RUNX2: variants seen among roughly 807,000 people sequenced by gnomAD.
RUNX2 encodes the protein RUNX family transcription factor 2.
In RUNX2, 10 loss-of-function variants were observed where a neutral mutation model predicts 51.7. That is an observed-to-expected ratio of 0.19 (90% CI 0.12 to 0.33). The LOEUF (loss-of-function observed/expected upper bound fraction) is 0.33, where lower values mean the gene tolerates loss of function less well. Ranked by LOEUF, RUNX2 falls within the 10% of genes least tolerant of loss-of-function variation. RUNX2 has a pLI of 1.00. For synonymous variants in RUNX2, 276 were observed against 273.6 expected, an observed-to-expected ratio of 1.01 and a Z score of -0.09; for missense variants, 562 against 691.3, an observed-to-expected ratio of 0.81 and a Z score of 2.10.
In RUNX2 at chr6:45,478,314, G is replaced by T. The variant is rs115525602; in HGVS notation, c.686-13627G>T. 6.6e-3 allele frequency among the ~76,000 whole-genome samples: 999 copies of T among 152,330 alleles called. 9 individuals carry two copies. The highest frequency in any genetic ancestry group is 0.022 in the African/African-American group (905 of 41,566). ...TAGGATATTTTAATTGATAAGTGAA[G>T]ATTACATTTGCATAGTGGTTTTACC... On this transcript the variant is annotated intron_variant, in intron 5 of 8. Transcript: ENST00000647337.
At chr6:45,387,573 A>G (rs1797378004) in intron 2 of RUNX2, among the ~76,000 whole-genome samples, 2 of 152,196 alleles carry the variant, frequency 1.3e-5, no homozygotes, top group Admixed American at 6.5e-5. Flanking sequence ...TCCACATTCA[A>G]TGCTTCTAGT....
intron 5 of RUNX2, among the ~76,000 whole-genome samples, chr6:45,484,734 AC>A (rs1341716033): frequency 6.6e-6 from 1 of 152,192 alleles, no homozygotes; most frequent in Non-Finnish European, 1.5e-5. Context: ...TGCAACAATT[AC>A]ATGTGGAATG....
chr6:45,505,506 T>C (rs926140849), intron 6 of RUNX2, among the ~76,000 whole-genome samples: 25 of 152,112 alleles, frequency 1.6e-4, no homozygotes, highest in Admixed American at 1.1e-3. Flanking sequence ...TCTATATCAC[T>C]GTAGGAAGTG....
chr6:45,399,272 G>A (rs1019253130), intron 2 of RUNX2, among the ~76,000 whole-genome samples: 1 of 150,528 alleles, frequency 6.6e-6, no homozygotes, highest in South Asian at 2.1e-4. Flanking sequence ...CTCCCAAAGT[G>A]GCTTCTTTTT....
At chr6:45,466,619 G>A (rs1264222424) in intron 5 of RUNX2, among the ~76,000 whole-genome samples, 1 of 152,228 alleles carries the variant, frequency 6.6e-6, no homozygotes, top group Non-Finnish European at 1.5e-5. Flanking sequence ...CTTGGTGAGA[G>A]ACCTTCCAGT....
At chr6:45,464,109 C>T (rs1167384275) in intron 5 of RUNX2, among the ~76,000 whole-genome samples, 1 of 151,918 alleles carries the variant, frequency 6.6e-6, no homozygotes, top group Non-Finnish European at 1.5e-5. Context: ...AGGAGAATGG[C>T]GTGAACCCGG....
chr6:45,550,804 G>A lies in RUNX2; in HGVS notation c.*3499G>A, dbSNP rs973026183. On this transcript the variant is annotated 3_prime_UTR_variant, in exon 9 of 9. Transcript: ENST00000647337. ...GCTTTACCATTCTTAGGTTTCTGTG[G>A]AACAAAAATATTTGTAGCATTTTGT... 1 of 152,516 alleles carries A rather than the reference G, an allele frequency of 6.6e-6. No homozygotes were observed. The highest frequency in any genetic ancestry group is 1.5e-5 in the Non-Finnish European group (1 of 68,022). 9.4% of individuals were successfully genotyped at this position (152,516 alleles called of 1,614,324 possible). A position where few individuals can be genotyped will look rare whatever the true frequency, so the allele number is the denominator to read the frequency against.
intron 2 of RUNX2, among the ~76,000 whole-genome samples, chr6:45,375,535 A>G (rs907771002): frequency 6.6e-6 from 1 of 152,054 alleles, no homozygotes; most frequent in African/African-American, 2.4e-5. Context: ...TTCAGCCTTA[A>G]GACCAAGAGC....
chr6:45,334,449 CAAAAA>C (rs551014969), intron 2 of RUNX2, among the ~76,000 whole-genome samples: 256 of 91,734 alleles, frequency 2.8e-3, no homozygotes, highest in African/African-American at 0.011. Flanking sequence ...TCAGGAAAAG[CAAAAA>C]AAAAAAAAAA....
At chr6:45,419,122 A>AT (rs375835860) in intron 2 of RUNX2, among the ~76,000 whole-genome samples, 1 of 152,198 alleles carries the variant, frequency 6.6e-6, no homozygotes, top group Non-Finnish European at 1.5e-5. Flanking sequence ...CAATTCTAGA[A>AT]TTTTTTATTT....
chr6:45,334,724 A>G (rs1226277344), intron 2 of RUNX2, among the ~76,000 whole-genome samples: 2 of 151,228 alleles, frequency 1.3e-5, no homozygotes, highest in African/African-American at 4.8e-5. Context: ...CATTCACACC[A>G]ATGACTACAG....
intron 5 of RUNX2, among the ~76,000 whole-genome samples, chr6:45,462,292 G>A (rs762627685): frequency 6.6e-6 from 1 of 152,142 alleles, no homozygotes; most frequent in Non-Finnish European, 1.5e-5. Flanking sequence ...TAAGAAGGGG[G>A]CGGCATTGGT....
At chr6:45,507,395 CA>C (rs1392451282) in intron 6 of RUNX2, among the ~76,000 whole-genome samples, 4 of 152,120 alleles carry the variant, frequency 2.6e-5, no homozygotes, top group Non-Finnish European at 5.9e-5. Context: ...CTGACTCATC[CA>C]ATTTGAGAGT....
chr6:45,414,188 G>A (rs190831499), intron 2 of RUNX2, among the ~76,000 whole-genome samples: 17 of 152,186 alleles, frequency 1.1e-4, no homozygotes, highest in African/African-American at 4.1e-4. Flanking sequence ...CTGTAATAGC[G>A]AGGAAAAGAC....
In RUNX2 at chr6:45,548,048, T is replaced by C. The variant is rs766351922; in HGVS notation, c.*743T>C. ...CCCTAAAACCTGCCTTCTCCTTTTA[T>C]GCAAAACTGAAAATGGCAATACATT... On this transcript the variant is annotated 3_prime_UTR_variant, in exon 9 of 9. Transcript: ENST00000647337. The C allele has an allele frequency of 1.3e-5, 2 of 152,710 alleles. No individual in the cohort carries two copies. The highest frequency in any genetic ancestry group is 2.4e-5 in the African/African-American group (1 of 41,444). The allele number at this position is 152,710 out of a possible 1,614,324, so 9.5% of individuals were successfully genotyped here.
At chr6:45,329,792 C>T (rs1787089553) in intron 2 of RUNX2, among the ~76,000 whole-genome samples, 2 of 151,950 alleles carry the variant, frequency 1.3e-5, no homozygotes, top group Admixed American at 1.3e-4. Context: ...TAACATTCAT[C>T]AGCTGATGTG....
At chr6:45,412,673 A>C (rs939511703) in intron 2 of RUNX2, among the ~76,000 whole-genome samples, 4 of 150,062 alleles carry the variant, frequency 2.7e-5, no homozygotes, top group South Asian at 4.2e-4. Context: ...TTTTTTTCCT[A>C]CTTTTTTTTT....
At chr6:45,333,195 T>C (rs1233852213) in intron 2 of RUNX2, among the ~76,000 whole-genome samples, 3 of 151,708 alleles carry the variant, frequency 2.0e-5, no homozygotes, top group Non-Finnish European at 4.4e-5. Context: ...AAAAAGATTA[T>C]GAAATTCACT....
intron 5 of RUNX2, among the ~76,000 whole-genome samples, chr6:45,473,042 G>C (rs544689204): frequency 6.6e-6 from 1 of 152,288 alleles, no homozygotes; most frequent in East Asian, 1.9e-4. Flanking sequence ...TTGTTCTTAA[G>C]GGAATATTCT....
Sources: gnomAD v4.1 joint callset for allele counts (sites outside exome capture counted in the v4.1 genomes callset) on GRCh38, gnomAD v4.1.1 for gene constraint, MANE v1.5 for transcripts, NCBI Gene and HGNC (gene_info 2026-07-23, HGNC 2026-07-21) for gene names.